NRXN3: variants seen among roughly 807,000 people sequenced by gnomAD.
The protein encoded by NRXN3 is neurexin III.
Under a neutral mutation model 137.6 loss-of-function variants are expected in NRXN3, and 32 were observed. The observed-to-expected ratio is 0.23, with a 90% CI of 0.18 to 0.31. The LOEUF is 0.31. Ranked by LOEUF, NRXN3 falls within the 10% of genes least tolerant of loss-of-function variation. The probability of loss-of-function intolerance (pLI) is 1.00; values close to 1 mark genes in which losing one functional copy is unlikely to be tolerated. For synonymous variants in NRXN3, 798 were observed against 784.5 expected (o/e 1.02, Z -0.29); for missense variants, 1,574 against 2,062.5 (o/e 0.76, Z 4.59).
chr14:79,501,511 G>A (rs2096826145), intron 16 of NRXN3, among the ~76,000 whole-genome samples: 1 of 152,148 alleles, frequency 6.6e-6, no homozygotes, highest in South Asian at 2.1e-4. Flanking sequence ...AAAACCAACA[G>A]ATTTCTAAAA....
At chr14:79,141,066 T>C (rs138833939) in intron 15 of NRXN3, among the ~76,000 whole-genome samples, 6 of 152,324 alleles carry the variant, frequency 3.9e-5, no homozygotes, top group Non-Finnish European at 8.8e-5. Flanking sequence ...ATATAAGGTG[T>C]AGCAGTCTTA....
chr14:78,524,345 T>A (rs1272561378), intron 4 of NRXN3, among the ~76,000 whole-genome samples: 1 of 152,212 alleles, frequency 6.6e-6, no homozygotes, highest in Non-Finnish European at 1.5e-5. Flanking sequence ...ATCTGTGCAT[T>A]TTGCAAGAAG....
chr14:78,400,053 T>G (rs2091903650), intron 4 of NRXN3, among the ~76,000 whole-genome samples: 1 of 152,252 alleles, frequency 6.6e-6, no homozygotes, highest in South Asian at 2.1e-4. Flanking sequence ...TGTTTTGTTT[T>G]CTTTTTCTTT....
chr14:78,768,990 A>C (rs950081430), intron 8 of NRXN3, among the ~76,000 whole-genome samples: 4 of 152,164 alleles, frequency 2.6e-5, no homozygotes, highest in Admixed American at 2.0e-4. Context: ...CTCCATCTTC[A>C]TCTCCATCTC....
At chr14:78,863,468 C>G (rs2099078393) in intron 10 of NRXN3, among the ~76,000 whole-genome samples, 2 of 152,002 alleles carry the variant, frequency 1.3e-5, no homozygotes, top group Admixed American at 6.6e-5. Flanking sequence ...TCTGATTGCT[C>G]TTTGTATGAT....
At chr14:78,485,577 G>A (rs2095548566) in intron 4 of NRXN3, among the ~76,000 whole-genome samples, 1 of 152,190 alleles carries the variant, frequency 6.6e-6, no homozygotes, top group South Asian at 2.1e-4. Context: ...TCAACAAATT[G>A]TTGCTATTAC....
At chr14:79,348,521 G>T in intron 15 of NRXN3, among the ~76,000 whole-genome samples, 1 of 151,804 alleles carries the variant, frequency 6.6e-6, no homozygotes, top group Non-Finnish European at 1.5e-5. Context: ...GACTACAGGC[G>T]CCCGCCACCA....
chr14:78,548,660 T>G (rs1344319016), intron 4 of NRXN3, among the ~76,000 whole-genome samples: 1 of 152,212 alleles, frequency 6.6e-6, no homozygotes, highest in Non-Finnish European at 1.5e-5. Flanking sequence ...GCATCCCAAC[T>G]GGTTGTTACA....
chr14:79,768,832 G>A (rs1024542851), intron 19 of NRXN3, among the ~76,000 whole-genome samples: 12 of 151,906 alleles, frequency 7.9e-5, no homozygotes, highest in African/African-American at 2.2e-4. Context: ...TCTGAGCTAC[G>A]GGAGGACATT....
intron 15 of NRXN3, among the ~76,000 whole-genome samples, chr14:79,400,114 G>T (rs374378559): frequency 6.6e-6 from 1 of 152,122 alleles, no homozygotes; most frequent in Non-Finnish European, 1.5e-5. Context: ...TAAACTAATT[G>T]TATCTACAAC....
chr14:79,052,368 GAAC>G (rs1443134138), intron 15 of NRXN3, among the ~76,000 whole-genome samples: 6 of 152,176 alleles, frequency 3.9e-5, no homozygotes, highest in Non-Finnish European at 8.8e-5. Context: ...TTGTTACAAA[GAAC>G]TAAAGCTGAT....
intron 15 of NRXN3, among the ~76,000 whole-genome samples, chr14:79,428,232 C>T: frequency 6.6e-6 from 1 of 152,230 alleles, no homozygotes; most frequent in African/African-American, 2.4e-5. Context: ...CAAGGTTTTT[C>T]AGGAGCCTGA....
chr14:78,515,927 C>T (rs746190910), intron 4 of NRXN3, among the ~76,000 whole-genome samples: 14 of 152,070 alleles, frequency 9.2e-5, no homozygotes, highest in Middle Eastern at 3.2e-3. Context: ...ATTGGATGAG[C>T]GCCTTAAGCA....
intron 15 of NRXN3, among the ~76,000 whole-genome samples, chr14:79,258,183 A>G (rs1194776278): frequency 6.6e-6 from 1 of 151,972 alleles, no homozygotes; most frequent in Non-Finnish European, 1.5e-5. Context: ...GTTAAGCTTC[A>G]TTTCTTCTCT....
At chr14:78,740,689 T>A (rs1215874294) in intron 8 of NRXN3, among the ~76,000 whole-genome samples, 1 of 152,098 alleles carries the variant, frequency 6.6e-6, no homozygotes, top group Non-Finnish European at 1.5e-5. Flanking sequence ...TAACCCAAGT[T>A]CTCTTTGCAT....
chr14:78,420,854 G>A (rs1567542321), intron 4 of NRXN3, among the ~76,000 whole-genome samples: 1 of 152,276 alleles, frequency 6.6e-6, no homozygotes, highest in East Asian at 1.9e-4. Context: ...CTTACAAGTG[G>A]GTTTTTGAAA....
intron 10 of NRXN3, among the ~76,000 whole-genome samples, chr14:78,929,251 A>G (rs2099314877): frequency 6.6e-6 from 1 of 152,008 alleles, no homozygotes; most frequent in Non-Finnish European, 1.5e-5. Context: ...CATGTTTTTT[A>G]TATAGATAAA....
intron 20 of NRXN3, among the ~76,000 whole-genome samples, chr14:79,842,197 T>G (rs896221018): frequency 5.9e-5 from 9 of 152,152 alleles, no homozygotes; most frequent in African/African-American, 2.2e-4. Flanking sequence ...GGAGCTTATA[T>G]TCCAGTGAAG....
At chr14:79,008,047 G>A (rs891834702) in intron 15 of NRXN3, among the ~76,000 whole-genome samples, 2 of 152,028 alleles carry the variant, frequency 1.3e-5, no homozygotes, top group Admixed American at 6.6e-5. Flanking sequence ...TCCCATGTGG[G>A]AAGTAAACCC....
Sources: allele counts gnomAD v4.1 joint callset (sites outside exome capture counted in the v4.1 genomes callset), GRCh38; gene constraint gnomAD v4.1.1; transcripts MANE v1.5; gene names NCBI Gene and HGNC (gene_info 2026-07-23, HGNC 2026-07-21).